Variants in NKAIN2 observed in about 807,000 individuals in gnomAD.
NKAIN2 encodes sodium/potassium-transporting ATPase subunit beta-1-interacting protein 2.
NKAIN2 carries 14 observed loss-of-function variants against 32.6 expected under a neutral mutation model. The ratio of observed to expected loss-of-function variants is 0.43; its 90% CI spans 0.28 to 0.67. The LOEUF (loss-of-function observed/expected upper bound fraction) is 0.67, where lower values mean the gene tolerates loss of function less well. NKAIN2 is among the 30% of genes least tolerant of loss of function. NKAIN2 has a pLI of 0.17. For missense variants in NKAIN2, 198 were observed against 258.3 expected, an observed-to-expected ratio of 0.77 and a Z score of 1.60; for synonymous variants, 80 against 87.2, an observed-to-expected ratio of 0.92 and a Z score of 0.46.
intron 3 of NKAIN2, among the ~76,000 whole-genome samples, chr6:124,434,931 T>C (rs1775373862): frequency 6.6e-6 from 1 of 152,188 alleles, no homozygotes; most frequent in South Asian, 2.1e-4. Context: ...ACTTATTATT[T>C]TACTCATTCA....
At chr6:124,561,796 GGTGGCTCCTTTGCACTT>G (rs1780702533) in intron 3 of NKAIN2, among the ~76,000 whole-genome samples, 1 of 152,144 alleles carries the variant, frequency 6.6e-6, no homozygotes, top group African/African-American at 2.4e-5. Context: ...AAATATACTG[GGTGGCTCCTTTGCACTT>G]GTGGACTATT....
At chr6:124,241,748 G>A (rs1351693383) in intron 1 of NKAIN2, among the ~76,000 whole-genome samples, 1 of 152,070 alleles carries the variant, frequency 6.6e-6, no homozygotes, top group African/African-American at 2.4e-5. Context: ...TTCTACTGGA[G>A]AAATTACTAT....
At chr6:124,489,974 T>C (rs1269495139) in intron 3 of NKAIN2, among the ~76,000 whole-genome samples, 1 of 151,886 alleles carries the variant, frequency 6.6e-6, no homozygotes, top group African/African-American at 2.4e-5. Flanking sequence ...AGAACTGAAA[T>C]GGACAATATC....
chr6:124,255,241 G>A (rs1163642545), intron 1 of NKAIN2, among the ~76,000 whole-genome samples: 1 of 152,174 alleles, frequency 6.6e-6, no homozygotes, highest in African/African-American at 2.4e-5. Flanking sequence ...CCCATCTTGT[G>A]TACAGCTATG....
chr6:124,456,968 G>T (rs185456549), intron 3 of NKAIN2, among the ~76,000 whole-genome samples: 1 of 151,826 alleles, frequency 6.6e-6, no homozygotes, highest in African/African-American at 2.4e-5. Context: ...CTTTACTTGG[G>T]TTCATATATT....
At chr6:124,531,164 G>A (rs1228218898) in intron 3 of NKAIN2, among the ~76,000 whole-genome samples, 2 of 152,174 alleles carry the variant, frequency 1.3e-5, no homozygotes, top group South Asian at 2.1e-4. Flanking sequence ...GACCATGCTG[G>A]TACTCTGTTC....
chr6:123,842,102 A>C (rs751402553), intron 1 of NKAIN2, among the ~76,000 whole-genome samples: 12 of 152,340 alleles, frequency 7.9e-5, no homozygotes, highest in Non-Finnish European at 1.3e-4. Context: ...TTGTTTCCCT[A>C]GCTCCAAGGT....
chr6:124,349,399 T>C (rs1583099375), intron 2 of NKAIN2, among the ~76,000 whole-genome samples: 1 of 152,146 alleles, frequency 6.6e-6, no homozygotes, highest in East Asian at 1.9e-4. Context: ...GCCTCATTAT[T>C]ACATTAAAAT....
At chr6:124,715,592 C>T (rs1679703376) in intron 4 of NKAIN2, among the ~76,000 whole-genome samples, 3 of 152,202 alleles carry the variant, frequency 2.0e-5, no homozygotes, top group Admixed American at 2.0e-4. Context: ...CCAGCAATAT[C>T]ACCAGGTGGG....
intron 1 of NKAIN2, among the ~76,000 whole-genome samples, chr6:123,944,613 C>T (rs988329435): frequency 2.0e-5 from 3 of 151,998 alleles, no homozygotes; most frequent in Non-Finnish European, 2.9e-5. Context: ...AAAAAAGAAA[C>T]ATAATCTCTT....
At chr6:124,670,619 A>G (rs1221391267) in intron 4 of NKAIN2, among the ~76,000 whole-genome samples, 2 of 149,124 alleles carry the variant, frequency 1.3e-5, no homozygotes, top group African/African-American at 5.0e-5. Flanking sequence ...CTGCAAGAAC[A>G]TTTACCTGAG....
chr6:123,834,855 G>A (rs1448479693), intron 1 of NKAIN2, among the ~76,000 whole-genome samples: 1 of 152,112 alleles, frequency 6.6e-6, no homozygotes, highest in East Asian at 1.9e-4. Flanking sequence ...GCTTGTTGAT[G>A]TAATGGACTA....
At chr6:123,926,246 T>C (rs1363608385) in intron 1 of NKAIN2, among the ~76,000 whole-genome samples, 2 of 152,218 alleles carry the variant, frequency 1.3e-5, no homozygotes, top group Non-Finnish European at 2.9e-5. Context: ...TCAGGTATGC[T>C]AATGATTGTA....
Position 124,576,624 on chromosome 6 carries a change from C to A in NKAIN2, c.274-81562C>A, listed in dbSNP as rs540791265. 7.2e-5 allele frequency among the ~76,000 whole-genome samples: 11 copies of A among 152,126 alleles called. No homozygotes were observed. The South Asian group carries it at 2.1e-3, about 29-fold the overall frequency. On this transcript the variant is annotated intron_variant, in intron 3 of 6. Coordinates refer to ENST00000368417, the MANE Select transcript of NKAIN2 (RefSeq NM_001040214.3). ...ACCAATATTTTCCAAATGAGTAATA[C>A]ATAATTTCAAAATATCATGCCTTGG...
At chr6:123,824,476 G>T (rs1002822188) in intron 1 of NKAIN2, among the ~76,000 whole-genome samples, 14 of 152,088 alleles carry the variant, frequency 9.2e-5, no homozygotes, top group African/African-American at 3.4e-4. Flanking sequence ...CAAAAGAGTA[G>T]CAGTTTGAGG....
At chr6:124,230,681 G>A (rs1385732748) in intron 1 of NKAIN2, among the ~76,000 whole-genome samples, 1 of 152,188 alleles carries the variant, frequency 6.6e-6, no homozygotes, top group Admixed American at 6.5e-5. Flanking sequence ...TGCTTCAGAG[G>A]GTGGAAGCCC....
intron 1 of NKAIN2, among the ~76,000 whole-genome samples, chr6:124,239,461 C>A (rs1792956317): frequency 6.6e-6 from 1 of 152,134 alleles, no homozygotes; most frequent in African/African-American, 2.4e-5. Flanking sequence ...AGCACCACGT[C>A]ACACTTATTC....
intron 1 of NKAIN2, among the ~76,000 whole-genome samples, chr6:123,830,659 A>G (rs898764841): frequency 6.6e-6 from 1 of 152,110 alleles, no homozygotes; most frequent in African/African-American, 2.4e-5. Context: ...AACAACTTGT[A>G]TTTCTCTTTT....
At chr6:124,554,848 G>T (rs1780416137) in intron 3 of NKAIN2, among the ~76,000 whole-genome samples, 1 of 152,156 alleles carries the variant, frequency 6.6e-6, no homozygotes, top group Admixed American at 6.5e-5. Flanking sequence ...ACAAGCCCGT[G>T]GGGAATCTGG....
Sources: gnomAD v4.1 joint callset for allele counts (sites outside exome capture counted in the v4.1 genomes callset) on GRCh38, gnomAD v4.1.1 for gene constraint, MANE v1.5 for transcripts, NCBI Gene and HGNC (gene_info 2026-07-23, HGNC 2026-07-21) for gene names.